The following GATB variants were observed in gnomAD, a reference collection of about 807,000 sequenced individuals.
The protein encoded by GATB is glutamyl-tRNA(Gln) amidotransferase subunit B, mitochondrial.
GATB carries 39 observed loss-of-function variants against 62.3 expected under a neutral mutation model. The observed-to-expected ratio is 0.63, with a 90% CI of 0.48 to 0.82. The LOEUF (loss-of-function observed/expected upper bound fraction) is 0.82. GATB is among the 40% of genes least tolerant of loss of function. The probability of loss-of-function intolerance (pLI) is 0.00; values close to 1 mark genes in which losing one functional copy is unlikely to be tolerated. For missense variants in GATB, 670 were observed against 684.0 expected (o/e 0.98, Z 0.23); for synonymous variants, 276 against 258.9 (o/e 1.07, Z -0.63).
At chr4:151,740,708 G>GTA (rs764825153) in intron 2 of GATB, among the ~76,000 whole-genome samples, 2 of 152,224 alleles carry the variant, frequency 1.3e-5, no homozygotes, top group African/African-American at 2.4e-5. Context: ...GGCCAGGCAT[G>GTA]TATTGCCTTT....
At chr4:151,715,704 A>G (rs1269724186) in intron 5 of GATB, among the ~76,000 whole-genome samples, 1 of 152,234 alleles carries the variant, frequency 6.6e-6, no homozygotes, top group African/African-American at 2.4e-5. Flanking sequence ...CTTGATAAAC[A>G]GTGTCTTCTT....
intron 2 of GATB, among the ~76,000 whole-genome samples, chr4:151,731,369 G>A (rs1560859944): frequency 1.3e-5 from 2 of 152,190 alleles, no homozygotes; most frequent in Non-Finnish European, 2.9e-5. Flanking sequence ...TGCCAGCCTC[G>A]GCCTCCTGAG....
intron 6 of GATB, among the ~76,000 whole-genome samples, chr4:151,707,628 A>G (rs1228725707): frequency 2.6e-5 from 4 of 152,188 alleles, no homozygotes; most frequent in Non-Finnish European, 5.9e-5. Context: ...TGGAAGTGAC[A>G]CTGTGTGAGG....
intron 2 of GATB, among the ~76,000 whole-genome samples, chr4:151,740,025 G>A (rs1739452576): frequency 6.6e-6 from 1 of 152,156 alleles, no homozygotes; most frequent in South Asian, 2.1e-4. Context: ...GTTCAACAGA[G>A]GCAGCAAGTA....
intron 11 of GATB, among the ~76,000 whole-genome samples, chr4:151,678,865 T>C (rs1738072290): frequency 6.7e-6 from 1 of 149,786 alleles, no homozygotes; most frequent in Non-Finnish European, 1.5e-5. Context: ...TTGGTGTTCT[T>C]GATCTTTCTG....
At position 151,735,877 on chromosome 4, in the gene GATB, T is replaced by A. The variant is rs903324883; in HGVS notation, c.328-16339A>T. 2.0e-5 allele frequency among the ~76,000 whole-genome samples: 3 copies of A among 147,906 alleles called. No homozygotes were observed. The East Asian group carries it at 6.0e-4, about 29-fold the overall frequency. ...GGACTTTGGGGACTCGGAGGAAGAG[T>A]GGGAAGGGGGCAAGGGATAAAAGAC... On this transcript the variant is annotated intron_variant, in intron 2 of 12. Coordinates refer to ENST00000263985, the MANE Select transcript of GATB (RefSeq NM_004564.3).
At chr4:151,680,155 A>G (rs1357931030) in intron 10 of GATB, among the ~76,000 whole-genome samples, 1 of 152,188 alleles carries the variant, frequency 6.6e-6, no homozygotes, top group Non-Finnish European at 1.5e-5. Context: ...GCAACAGACA[A>G]CTGCTCAGTG....
At chr4:151,742,332 C>T (rs917719388) in intron 2 of GATB, among the ~76,000 whole-genome samples, 5 of 151,998 alleles carry the variant, frequency 3.3e-5, no homozygotes, top group Admixed American at 6.6e-5. Context: ...TCGTGATCCG[C>T]CTGCCTTGGC....
chr4:151,755,173 A>G (rs573621177), intron 2 of GATB, among the ~76,000 whole-genome samples: 104 of 152,228 alleles, frequency 6.8e-4, no homozygotes, highest in Non-Finnish European at 1.1e-3. Context: ...TTTAATTCTC[A>G]CACAAATCCA....
Position 151,672,803 on chromosome 4 carries a change from C to G in GATB, c.1504G>C (p.Glu502Gln). 1 of 1,614,206 alleles carries G rather than the reference C, an allele frequency of 6.2e-7. No homozygotes were observed. The highest frequency in any genetic ancestry group is 8.5e-7 in the Non-Finnish European group (1 of 1,180,026). ...LELMQDQGAL[E>Q]QLCHSVMEAH... ...TCCATCACAGAGTGGCAGAGCTGCT[C>G]CAGTGCCCCCTGGTCCTGCATCAGT... is the stretch of plus-strand genomic sequence containing the variant. The change falls in exon 12 of 13, where the codon GAG becomes CAG. Residue 502 changes from glutamate (E) to glutamine (Q), a missense_variant. By Grantham distance (29) the Glu-to-Gln change is conservative. Transcript: ENST00000263985.
chr4:151,726,857 G>A (rs1359804234), intron 2 of GATB, among the ~76,000 whole-genome samples: 1 of 152,142 alleles, frequency 6.6e-6, no homozygotes, highest in African/African-American at 2.4e-5. Flanking sequence ...AGCTCAGGAG[G>A]CCACGGTCAC....
chr4:151,716,285 T>TG, intron 4 of GATB, 154 bp from the exon 5 acceptor site: 49 of 840,908 alleles, frequency 5.8e-5, no homozygotes, highest in African/African-American at 4.8e-4. Context: ...ACCTTTTTTT[T>TG]TTTTTTTTTT....
chr4:151,736,574 T>C (rs970810981), intron 2 of GATB, among the ~76,000 whole-genome samples: 1 of 152,224 alleles, frequency 6.6e-6, no homozygotes, highest in Non-Finnish European at 1.5e-5. Context: ...GATAGTATGA[T>C]GTAAGTGTTT....
intron 2 of GATB, among the ~76,000 whole-genome samples, chr4:151,749,388 T>C (rs1248566944): frequency 4.6e-5 from 7 of 152,048 alleles, no homozygotes; most frequent in Admixed American, 2.0e-4. Context: ...GAAACCATCA[T>C]TCTCAGCAAA....
chr4:151,710,199 C>T (rs966785019), intron 5 of GATB, among the ~76,000 whole-genome samples: 2 of 152,180 alleles, frequency 1.3e-5, no homozygotes, highest in Non-Finnish European at 2.9e-5. Flanking sequence ...GAATGAAAGG[C>T]CCCTGAGGAC....
chr4:151,706,539 T>C (rs1162435825), intron 6 of GATB, among the ~76,000 whole-genome samples: 1 of 152,232 alleles, frequency 6.6e-6, no homozygotes, highest in Admixed American at 6.5e-5. Context: ...ACATGGGCTA[T>C]GTCCCTTTCC....
intron 9 of GATB, among the ~76,000 whole-genome samples, chr4:151,695,165 A>G (rs547134454): frequency 3.9e-5 from 6 of 152,280 alleles, no homozygotes; most frequent in East Asian, 1.9e-4. Flanking sequence ...GTGGCTCTCA[A>G]TGAACTGTTT....
At chr4:151,736,285 A>C (rs757329162) in intron 2 of GATB, among the ~76,000 whole-genome samples, 3 of 152,206 alleles carry the variant, frequency 2.0e-5, no homozygotes, top group African/African-American at 7.2e-5. Context: ...CACCATATAC[A>C]TGCATAATCA....
chr4:151,679,948 G>T, intron 10 of GATB, 57 bp from the exon 11 acceptor site: 1 of 1,484,724 alleles, frequency 6.7e-7, no homozygotes, highest in Non-Finnish European at 9.4e-7. Context: ...GGGCATCCAT[G>T]AATGGCTGTT....
Sources: gnomAD v4.1 joint callset for allele counts (sites outside exome capture counted in the v4.1 genomes callset) on GRCh38, gnomAD v4.1.1 for gene constraint, MANE v1.5 for transcripts, NCBI Gene and HGNC (gene_info 2026-07-23, HGNC 2026-07-21) for gene names.